CDH8: variants seen among roughly 807,000 people sequenced by gnomAD.
CDH8 encodes cadherin-8.
In CDH8, 17 loss-of-function variants were observed where a neutral mutation model predicts 68.1. That is an observed-to-expected ratio of 0.25 (90% CI 0.17 to 0.37). The LOEUF (loss-of-function observed/expected upper bound fraction) is 0.37, where lower values mean the gene tolerates loss of function less well. CDH8 is among the 10% of genes least tolerant of loss of function. The pLI, the probability that CDH8 is intolerant of heterozygous loss-of-function variation, is 1.00. For synonymous variants in CDH8, 372 were observed against 365.1 expected, an observed-to-expected ratio of 1.02 and a Z score of -0.21; for missense variants, 763 against 999.3, an observed-to-expected ratio of 0.76 and a Z score of 3.19.
At chr16:62,028,061 ATTT>A (rs768513131) in intron 1 of CDH8, among the ~76,000 whole-genome samples, 3 of 115,828 alleles carry the variant, frequency 2.6e-5, no homozygotes, top group Admixed American at 9.2e-5. Context: ...TGTCAAATCC[ATTT>A]TTTTTTTTTT....
intron 2 of CDH8, among the ~76,000 whole-genome samples, chr16:61,954,854 G>A (rs1361437691): frequency 6.6e-6 from 1 of 152,130 alleles, no homozygotes; most frequent in African/African-American, 2.4e-5. Flanking sequence ...TTTAACTGTG[G>A]GAGAAGTGAA....
chr16:61,801,083 GA>G (rs1434184389), intron 7 of CDH8, among the ~76,000 whole-genome samples: 2 of 151,460 alleles, frequency 1.3e-5, no homozygotes, highest in African/African-American at 2.4e-5. Context: ...GTTCCCTAGA[GA>G]ATACAGAAGC....
intron 2 of CDH8, among the ~76,000 whole-genome samples, chr16:61,929,658 G>C (rs1256684071): frequency 6.6e-6 from 1 of 152,116 alleles, no homozygotes; most frequent in Non-Finnish European, 1.5e-5. Flanking sequence ...AAGCCAAGAT[G>C]GCAGTATATC....
chr16:61,817,414 A>T, intron 7 of CDH8, 65 bp downstream of exon 7: 1 of 1,538,378 alleles, frequency 6.5e-7, no homozygotes, highest in Non-Finnish European at 9.0e-7. Context: ...GGTACAAGCA[A>T]AGGCATTTTT....
chr16:61,764,778 C>T (rs1596945975), intron 8 of CDH8, among the ~76,000 whole-genome samples: 1 of 152,132 alleles, frequency 6.6e-6, no homozygotes, highest in Admixed American at 6.6e-5. Context: ...ACAAATACCC[C>T]ATCATGTAAA....
chr16:61,937,942 C>T (rs1230988168), intron 2 of CDH8: 2 of 152,064 alleles, frequency 1.3e-5, no homozygotes, highest in African/African-American at 4.8e-5. Flanking sequence ...GGATTAATTA[C>T]AGCAGTTAAT....
intron 2 of CDH8, among the ~76,000 whole-genome samples, chr16:61,957,416 G>A (rs1965005055): frequency 2.0e-5 from 3 of 152,236 alleles, no homozygotes; most frequent in Admixed American, 1.3e-4. Context: ...CATTGGAAAC[G>A]CTCTCTTTCT....
intron 4 of CDH8, among the ~76,000 whole-genome samples, chr16:61,841,051 A>G (rs977959741): frequency 6.6e-6 from 1 of 152,226 alleles, no homozygotes; most frequent in Non-Finnish European, 1.5e-5. Context: ...AAAACTTGCT[A>G]TGGCTGAAGA....
At chr16:61,662,539 T>C (rs563464503) in intron 10 of CDH8, among the ~76,000 whole-genome samples, 2 of 151,866 alleles carry the variant, frequency 1.3e-5, no homozygotes, top group African/African-American at 4.8e-5. Context: ...TTCCAAAAGA[T>C]AGAAGGATAT....
In CDH8 at chr16:61,919,069, C is replaced by T. The variant is rs185819768; in HGVS notation, c.253-17596G>A. 4.3e-4 allele frequency among the ~76,000 whole-genome samples: 63 copies of T among 146,294 alleles called. 7 individuals carry two copies. The highest frequency in any genetic ancestry group is 3.4e-3 in the Middle Eastern group (1 of 292). On this transcript the variant is annotated intron_variant, in intron 2 of 11. Transcript: ENST00000577390. ...AGCAGGGGCATACTGACACCTCACA[C>T]GGCAGGGTATTCCAACAGACCTGCA...
intron 2 of CDH8, among the ~76,000 whole-genome samples, chr16:62,015,600 A>G (rs557180704): frequency 6.6e-6 from 1 of 152,334 alleles, no homozygotes; most frequent in East Asian, 1.9e-4. Flanking sequence ...ACTTGACACA[A>G]GAGACTTTAA....
chr16:61,788,706 C>T (rs924259214), intron 8 of CDH8, among the ~76,000 whole-genome samples: 1 of 151,944 alleles, frequency 6.6e-6, no homozygotes, highest in South Asian at 2.1e-4. Flanking sequence ...AAAAGATTAA[C>T]AAGTTATTTT....
chr16:61,773,914 G>A (rs1438303776), intron 8 of CDH8, among the ~76,000 whole-genome samples: 2 of 152,004 alleles, frequency 1.3e-5, no homozygotes, highest in East Asian at 1.9e-4. Flanking sequence ...CACCCTGACA[G>A]CCCAAATGAG....
intron 2 of CDH8, among the ~76,000 whole-genome samples, chr16:61,904,019 A>G (rs1964024800): frequency 6.6e-6 from 1 of 152,148 alleles, no homozygotes; most frequent in Admixed American, 6.5e-5. Flanking sequence ...AGCTTATCCA[A>G]GTAAAATCCA....
intron 4 of CDH8, among the ~76,000 whole-genome samples, chr16:61,840,691 G>A (rs892712498): frequency 6.6e-6 from 1 of 152,100 alleles, no homozygotes; most frequent in Admixed American, 6.6e-5. Context: ...AACACTGCAT[G>A]TTCTCACTTA....
In CDH8 at chr16:62,009,377, C is replaced by A. The variant is rs8055175; in HGVS notation, c.252+11775G>T. On this transcript the variant is annotated intron_variant, in intron 2 of 11. Coordinates refer to ENST00000577390, the MANE Select transcript of CDH8 (RefSeq NM_001796.5). ...AAGTTACAAGGGGCGTCAGGGAAGT[C>A]ACTGCACAGAGCTAAGTAAATTACA... Among the ~76,000 whole-genome samples, 723 of 152,282 alleles carry A rather than the reference C, an allele frequency of 4.7e-3. 7 individuals carry two copies. Among genetic ancestry groups the A allele is most frequent in the African/African-American group, 0.016 (682 of 41,554 alleles).
At chr16:62,025,530 C>CG (rs1902178943) in intron 1 of CDH8, among the ~76,000 whole-genome samples, 1 of 152,010 alleles carries the variant, frequency 6.6e-6, no homozygotes, top group African/African-American at 2.4e-5. Flanking sequence ...GGTATAGCCC[C>CG]GGGGAGAAAT....
At chr16:61,943,701 G>C (rs1307621945) in intron 2 of CDH8, among the ~76,000 whole-genome samples, 1 of 152,184 alleles carries the variant, frequency 6.6e-6, no homozygotes, top group Admixed American at 6.5e-5. Context: ...ATATAAGTGA[G>C]ACAGAGTCCC....
intron 1 of CDH8, chr16:62,031,910 G>A (rs1902336835): frequency 6.6e-6 from 1 of 152,134 alleles, no homozygotes; most frequent in Admixed American, 6.6e-5. Context: ...CTGACCTTTT[G>A]AAGTTGCCAG....
Sources: gnomAD v4.1 joint callset for allele counts (sites outside exome capture counted in the v4.1 genomes callset) on GRCh38, gnomAD v4.1.1 for gene constraint, MANE v1.5 for transcripts, NCBI Gene and HGNC (gene_info 2026-07-23, HGNC 2026-07-21) for gene names.